The following PCDHA5 variants were observed in gnomAD, a reference collection of about 807,000 sequenced individuals.
The protein encoded by PCDHA5 is protocadherin alpha 5.
PCDHA5 carries 43 observed loss-of-function variants against 61.6 expected under a neutral mutation model. That is an observed-to-expected ratio of 0.70 (90% CI 0.55 to 0.90). The LOEUF (loss-of-function observed/expected upper bound fraction) is 0.90. Ranked by LOEUF, PCDHA5 falls within the 40% of genes least tolerant of loss-of-function variation. PCDHA5 has a pLI of 0.00. For missense variants in PCDHA5, 1,298 were observed against 1,222.7 expected (o/e 1.06, Z -0.92); for synonymous variants, 627 against 543.9 (o/e 1.15, Z -2.13).
intron 1 of PCDHA5, chr5:140,855,925 C>A: frequency 1.6e-6 from 2 of 1,240,618 alleles, no homozygotes; most frequent in African/African-American, 1.5e-5. Flanking sequence ...TAGGAAGTAG[C>A]GTCATTCTGA....
At chr5:140,891,232 C>T (rs1562856029) in intron 1 of PCDHA5, among the ~76,000 whole-genome samples, 1 of 151,946 alleles carries the variant, frequency 6.6e-6, no homozygotes, top group Non-Finnish European at 1.5e-5. Context: ...TCATCCTGTT[C>T]TGGATTCAGT....
chr5:140,842,850 T>G (rs2150346345), intron 1 of PCDHA5: 1 of 1,593,838 alleles, frequency 6.3e-7, no homozygotes, highest in Non-Finnish European at 8.6e-7. Flanking sequence ...TACATTTCGG[T>G]GCACACGGAG....
At chr5:140,945,722 A>G (rs2093833983) in intron 1 of PCDHA5, among the ~76,000 whole-genome samples, 1 of 152,110 alleles carries the variant, frequency 6.6e-6, no homozygotes, top group African/African-American at 2.4e-5. Context: ...TCAAGAATAT[A>G]CAATGGAAAA....
At chr5:140,841,512 T>C in intron 1 of PCDHA5, 1 of 1,613,424 alleles carries the variant, frequency 6.2e-7, no homozygotes, top group East Asian at 2.2e-5. Flanking sequence ...CCGCGCCTGT[T>C]CCGGGTGGCG....
chr5:140,827,149 A>T (rs1024962565), intron 1 of PCDHA5, among the ~76,000 whole-genome samples: 5 of 152,210 alleles, frequency 3.3e-5, no homozygotes, highest in Admixed American at 6.5e-5. Flanking sequence ...AGGGATGCAG[A>T]TATGGATTTG....
intron 1 of PCDHA5, among the ~76,000 whole-genome samples, chr5:140,947,497 T>A (rs1289449406): frequency 6.6e-6 from 1 of 151,724 alleles, no homozygotes; most frequent in Non-Finnish European, 1.5e-5. Flanking sequence ...ATAGGTCATT[T>A]AAATTTTCAT....
intron 3 of PCDHA5, among the ~76,000 whole-genome samples, chr5:141,008,684 G>A (rs1426948038): frequency 2.0e-5 from 3 of 152,236 alleles, no homozygotes; most frequent in South Asian, 4.2e-4. Flanking sequence ...TTTAGTTATT[G>A]CATGTATTAA....
chr5:140,858,033 C>T (rs1249815194), intron 1 of PCDHA5: 2 of 1,597,066 alleles, frequency 1.3e-6, no homozygotes, highest in Non-Finnish European at 1.7e-6. Context: ...ACGGCCACGG[C>T]CACTGTGCTT....
intron 1 of PCDHA5, chr5:140,926,863 G>A: frequency 1.3e-6 from 2 of 1,523,054 alleles, no homozygotes; most frequent in Non-Finnish European, 8.8e-7. Flanking sequence ...GGTGTAGCGT[G>A]TTGGTGGAAC....
At chr5:140,899,575 G>C (rs1347901369) in intron 1 of PCDHA5, among the ~76,000 whole-genome samples, 1 of 152,086 alleles carries the variant, frequency 6.6e-6, no homozygotes, top group African/African-American at 2.4e-5. Flanking sequence ...TGCTGGATTC[G>C]GTTTGCCAGT....
chr5:140,900,496 C>G (rs1476220010), intron 1 of PCDHA5, among the ~76,000 whole-genome samples: 2 of 152,212 alleles, frequency 1.3e-5, no homozygotes, highest in Admixed American at 6.5e-5. Flanking sequence ...AGACTGGTCT[C>G]AAATTCCCAG....
At chr5:140,856,734 T>C in intron 1 of PCDHA5, 1 of 1,596,648 alleles carries the variant, frequency 6.3e-7, no homozygotes. Context: ...TCTCTGCTGA[T>C]CCTGGTGTTA....
At position 141,011,492 on chromosome 5, in the gene PCDHA5, A is replaced by T. The variant is rs2098420803; in HGVS notation, c.*1555A>T. On this transcript the variant is annotated 3_prime_UTR_variant, in exon 4 of 4. Coordinates refer to ENST00000529859, the MANE Select transcript of PCDHA5 (RefSeq NM_018908.3). ...AATTCCATTATATTTCCTTTTGTAC[A>T]CCTGTGAAAAAGTGGAGTAGTGTTT... The T allele has an allele frequency of 1.3e-5, 2 of 153,698 alleles. No individual in the cohort carries two copies. The highest frequency in any genetic ancestry group is 2.9e-5 in the Non-Finnish European group (2 of 68,026). 9.5% of individuals were successfully genotyped at this position (153,698 alleles called of 1,614,324 possible).
intron 1 of PCDHA5, among the ~76,000 whole-genome samples, chr5:140,833,185 A>G (rs1772342478): frequency 6.6e-6 from 1 of 152,226 alleles, no homozygotes; most frequent in African/African-American, 2.4e-5. Flanking sequence ...GACTGCAAGG[A>G]TTAAATGAAG....
At chr5:140,824,477 T>G (rs1390927264) in intron 1 of PCDHA5, 4 of 386,518 alleles carry the variant, frequency 1.0e-5, no homozygotes, top group Non-Finnish European at 1.8e-5. Context: ...TTATTGTTAT[T>G]TTTTAGAGAC....
chr5:140,987,747 T>G (rs1336636332), intron 3 of PCDHA5, among the ~76,000 whole-genome samples: 1 of 152,178 alleles, frequency 6.6e-6, no homozygotes. Context: ...TAGACCCAGG[T>G]TGTTCTGAGT....
At position 141,010,430 on chromosome 5, in the gene PCDHA5, A is replaced by T; in HGVS notation, c.*493A>T. On this transcript the variant is annotated 3_prime_UTR_variant, in exon 4 of 4. Transcript: ENST00000529859. ...CTAATTGGTACAAGGAAGGCAAGAA[A>T]ACAAAGACAAATAAACAGCGGAAGT... 9.4e-7 allele frequency: 1 copy of T among 1,058,474 alleles called. No homozygotes were observed. Among genetic ancestry groups the T allele is most frequent in the Non-Finnish European group, 1.3e-6 (1 of 756,992 alleles). 65.6% of individuals were successfully genotyped at this position (1,058,474 alleles called of 1,614,324 possible). A position where few individuals can be genotyped will look rare whatever the true frequency, so the allele number is the denominator to read the frequency against.
At chr5:141,008,985 A>G (rs566679512) in intron 3 of PCDHA5, among the ~76,000 whole-genome samples, 2 of 152,240 alleles carry the variant, frequency 1.3e-5, no homozygotes, top group South Asian at 4.1e-4. Context: ...AGTTTAATCT[A>G]GACACTAAAA....
intron 1 of PCDHA5, among the ~76,000 whole-genome samples, chr5:140,953,629 T>A (rs547651453): frequency 6.6e-6 from 1 of 152,298 alleles, no homozygotes; most frequent in East Asian, 1.9e-4. Context: ...TTGCTTTATG[T>A]ATTTTGGCCA....
Sources: allele counts gnomAD v4.1 joint callset (sites outside exome capture counted in the v4.1 genomes callset), GRCh38; gene constraint gnomAD v4.1.1; transcripts MANE v1.5; gene names NCBI Gene and HGNC (gene_info 2026-07-23, HGNC 2026-07-21).